Variants in SLC22A3 observed in about 807,000 individuals in gnomAD.
SLC22A3 encodes EMT organic cation transporter 3.
Under a neutral mutation model 59.1 loss-of-function variants are expected in SLC22A3, and 51 were observed. The ratio of observed to expected loss-of-function variants is 0.86; its 90% CI spans 0.69 to 1.09. The LOEUF (loss-of-function observed/expected upper bound fraction) is 1.09. Ranked by LOEUF, SLC22A3 falls within the 50% of genes least tolerant of loss-of-function variation. The probability of loss-of-function intolerance (pLI) is 0.00; values close to 1 mark genes in which losing one functional copy is unlikely to be tolerated. For synonymous variants in SLC22A3, 325 were observed against 292.0 expected (o/e 1.11, Z -1.15); for missense variants, 711 against 726.3 (o/e 0.98, Z 0.24).
At position 160,447,808 on chromosome 6, in the gene SLC22A3, A is replaced by C. The variant is rs774243706; in HGVS notation, c.1600A>C (p.Lys534Gln). 38 of 1,613,806 alleles carry C rather than the reference A, an allele frequency of 2.4e-5. No individual in the cohort carries two copies. Among genetic ancestry groups the C allele is most frequent in the Non-Finnish European group, 3.0e-5 (35 of 1,179,818 alleles). Reference sequence around the variant, plus strand: ...GCCAGAGACAGTGGATGATGTAGAAAAACTTGGCAGGTACTGTACAAAATT... The same window carrying C: ...GCCAGAGACAGTGGATGATGTAGAACAACTTGGCAGGTACTGTACAAAATT... ...ALPETVDDVE[K>Q]LGSPHSCKCG... is the part of the protein sequence containing the mutation. Residue 534 changes from lysine (K) to glutamine (Q), a missense_variant, in exon 10 of 11, where the codon AAA becomes CAA. Coordinates refer to ENST00000275300, the MANE Select transcript of SLC22A3 (RefSeq NM_021977.4).
At chr6:160,384,405 T>C (rs1785915421) in intron 1 of SLC22A3, among the ~76,000 whole-genome samples, 1 of 152,198 alleles carries the variant, frequency 6.6e-6, no homozygotes, top group Admixed American at 6.5e-5. Context: ...ACTCAGAATG[T>C]GGATATCAGT....
At chr6:160,381,744 C>G (rs1402085451) in intron 1 of SLC22A3, among the ~76,000 whole-genome samples, 2 of 151,996 alleles carry the variant, frequency 1.3e-5, no homozygotes, top group Admixed American at 6.6e-5. Context: ...ATTTTTCTAC[C>G]AATGGAAAGT....
intron 1 of SLC22A3, among the ~76,000 whole-genome samples, chr6:160,391,438 C>T (rs781242645): frequency 1.3e-5 from 2 of 152,094 alleles, no homozygotes; most frequent in African/African-American, 2.4e-5. Context: ...GTGTCTCAGG[C>T]ACTGGGCTGA....
intron 1 of SLC22A3, among the ~76,000 whole-genome samples, chr6:160,363,723 A>G (rs879545749): frequency 6.6e-6 from 1 of 152,058 alleles, no homozygotes; most frequent in Non-Finnish European, 1.5e-5. Context: ...CCCTGCCACC[A>G]TCTTTTGTCC....
Position 160,348,627 on chromosome 6 carries a change from G to A in SLC22A3, c.208G>A (p.Glu70Lys), listed in dbSNP as rs1490812085. Residue 70 changes from glutamate to lysine, a missense_variant, in exon 1 of 11, where the codon GAG (glutamate) becomes AAG (lysine). Transcript: ENST00000275300. ...GCGCTGCGGCTGGAGCCCGGAGGAG[G>A]AGTGGAACCGCACGGCGCCCGCCTC... ...AERCGWSPEE[E>K]WNRTAPASRG... is the part of the protein sequence containing the mutation. 6.6e-7 allele frequency: 1 copy of A among 1,506,684 alleles called. No individual in the cohort carries two copies. Among genetic ancestry groups the A allele is most frequent in the African/African-American group, 1.4e-5 (1 of 69,174 alleles). The allele number at this position is 1,506,684 out of a possible 1,614,324, so 93.3% of individuals were successfully genotyped here. A position where few individuals can be genotyped will look rare whatever the true frequency, so the allele number is the denominator to read the frequency against.
At position 160,447,698 on chromosome 6, in the gene SLC22A3, C is replaced by T. The variant is rs368027701; in HGVS notation, c.1511-21C>T. On this transcript the variant is annotated intron_variant, in intron 9 of 10. Transcript: ENST00000275300. ...CAGCTGTGTCTTCCTGGAGCGGTAACACCTTTCCCCTATTCCATAGGTATC... is the reference window on the plus strand; with the variant it reads ...CAGCTGTGTCTTCCTGGAGCGGTAATACCTTTCCCCTATTCCATAGGTATC... The T allele has an allele frequency of 3.7e-6, 6 of 1,606,268 alleles. No homozygotes were observed. The African/African-American group carries it at 6.7e-5, about 18-fold the overall frequency.
At chr6:160,447,337 G>A (rs1390016842) in intron 9 of SLC22A3, among the ~76,000 whole-genome samples, 1 of 152,134 alleles carries the variant, frequency 6.6e-6, no homozygotes, top group Non-Finnish European at 1.5e-5. Context: ...GAATCGGAGG[G>A]AGAGGGGCAG....
Position 160,451,468 on chromosome 6 carries a change from T to A in SLC22A3, c.*412T>A, listed in dbSNP as rs1486045993. On this transcript the variant is annotated 3_prime_UTR_variant, in exon 11 of 11. Transcript: ENST00000275300. ...GTTGTACAGAAATGTGTTCATCAAA[T>A]CTGGTCAAGGGACTAAGCTCCTAGC... is the stretch of plus-strand genomic sequence containing the variant. The A allele has an allele frequency of 5.1e-6, 1 of 196,416 alleles. No homozygotes were observed. Among genetic ancestry groups the A allele is most frequent in the East Asian group, 1.2e-4 (1 of 8,244 alleles). 12.2% of individuals were successfully genotyped at this position (196,416 alleles called of 1,614,324 possible).
chr6:160,404,537 A>C lies in SLC22A3; in HGVS notation c.534-2504A>C, dbSNP rs189735721. On this transcript the variant is annotated intron_variant, in intron 2 of 10. Transcript: ENST00000275300. The stretch of plus-strand genomic sequence containing the variant: ...TCTTCCCAACTTGATGTATATATTC[A>C]ATACAATACTAATCAAAATCCTACA... Among the ~76,000 whole-genome samples the C allele has an allele frequency of 4.9e-3, 748 of 152,246 alleles. 5 individuals are homozygous for C. The highest frequency in any genetic ancestry group is 0.014 in the Admixed American group (216 of 15,274).
chr6:160,436,744 T>C (rs1788347808), intron 5 of SLC22A3, 36 bp from the exon 6 acceptor site: 1 of 1,363,942 alleles, frequency 7.3e-7, no homozygotes, highest in African/African-American at 1.4e-5. Flanking sequence ...TTTTTTTTTC[T>C]GTCTATTGCT....
chr6:160,442,504 C>G (rs897867248), intron 7 of SLC22A3, among the ~76,000 whole-genome samples: 1 of 152,188 alleles, frequency 6.6e-6, no homozygotes, highest in Non-Finnish European at 1.5e-5. Flanking sequence ...TGCTCATGCT[C>G]AACAAACGGT....
At chr6:160,445,667 G>T (rs1246388273) in intron 9 of SLC22A3, among the ~76,000 whole-genome samples, 1 of 152,190 alleles carries the variant, frequency 6.6e-6, no homozygotes, top group Non-Finnish European at 1.5e-5. Context: ...AATGGAGAGG[G>T]TGGACAGATT....
intron 8 of SLC22A3, 135 bp downstream of exon 8, chr6:160,443,004 G>GA (rs1292574628): frequency 1.4e-6 from 1 of 727,692 alleles, no homozygotes; most frequent in East Asian, 2.7e-5. Flanking sequence ...AGCTAGTAAA[G>GA]AAGATATGCT....
chr6:160,402,274 A>AAGT (rs1786814349), intron 2 of SLC22A3, among the ~76,000 whole-genome samples: 1 of 151,970 alleles, frequency 6.6e-6, no homozygotes, highest in South Asian at 2.1e-4. Context: ...AGAGGAAGGA[A>AAGT]AGTTATCAGG....
intron 9 of SLC22A3, among the ~76,000 whole-genome samples, chr6:160,447,514 G>A (rs966314966): frequency 8.5e-5 from 13 of 152,162 alleles, no homozygotes; most frequent in African/African-American, 2.4e-4. Flanking sequence ...TACAGGGGCC[G>A]TGGTGCTACT....
chr6:160,353,080 T>C (rs1396879702), intron 1 of SLC22A3, among the ~76,000 whole-genome samples: 2 of 152,184 alleles, frequency 1.3e-5, no homozygotes, highest in Non-Finnish European at 1.5e-5. Context: ...GTGCTGGGAT[T>C]ACAGGCATGA....
intron 10 of SLC22A3, among the ~76,000 whole-genome samples, chr6:160,448,422 T>C (rs891805825): frequency 6.6e-6 from 1 of 151,966 alleles, no homozygotes; most frequent in Non-Finnish European, 1.5e-5. Flanking sequence ...TAAGTGATAG[T>C]AGATAAATGA....
At chr6:160,421,823 A>T (rs1787752030) in intron 5 of SLC22A3, among the ~76,000 whole-genome samples, 1 of 152,208 alleles carries the variant, frequency 6.6e-6, no homozygotes, top group South Asian at 2.1e-4. Context: ...CCCTCTCTGG[A>T]ATCCTTCCAC....
At chr6:160,371,535 G>C (rs1045952474) in intron 1 of SLC22A3, among the ~76,000 whole-genome samples, 1 of 152,188 alleles carries the variant, frequency 6.6e-6, no homozygotes, top group Non-Finnish European at 1.5e-5. Flanking sequence ...TGGCTGCATA[G>C]TATTCCATGG....
Sources: gnomAD v4.1 joint callset for allele counts (sites outside exome capture counted in the v4.1 genomes callset) on GRCh38, gnomAD v4.1.1 for gene constraint, MANE v1.5 for transcripts, NCBI Gene and HGNC (gene_info 2026-07-23, HGNC 2026-07-21) for gene names.